Variants in CAMSAP2 observed in about 807,000 individuals in gnomAD.
CAMSAP2 encodes the protein calmodulin-regulated spectrin-associated protein 2.
CAMSAP2 carries 26 observed loss-of-function variants against 146.1 expected under a neutral mutation model. That is an observed-to-expected ratio of 0.18 (90% confidence interval 0.13 to 0.25). The LOEUF (loss-of-function observed/expected upper bound fraction) is 0.25. Among genes scored for constraint, CAMSAP2 ranks in the 10% least tolerant of loss-of-function variants. The pLI, the probability that CAMSAP2 is intolerant of heterozygous loss-of-function variation, is 1.00. For synonymous variants in CAMSAP2, 499 were observed against 596.6 expected, an observed-to-expected ratio of 0.84 and a Z score of 2.38; for missense variants, 1,381 against 1,759.3, an observed-to-expected ratio of 0.78 and a Z score of 3.85.
chr1:200,804,463 A>T (rs1000234573), intron 2 of CAMSAP2, among the ~76,000 whole-genome samples: 1 of 151,944 alleles, frequency 6.6e-6, no homozygotes, highest in African/African-American at 2.4e-5. Flanking sequence ...CAGCGTTTTT[A>T]TCCTCTCTCA....
chr1:200,773,089 A>T (rs950969446), intron 2 of CAMSAP2, among the ~76,000 whole-genome samples: 1 of 152,208 alleles, frequency 6.6e-6, no homozygotes, highest in African/African-American at 2.4e-5. Flanking sequence ...GAAGTTTTAT[A>T]TTCCTTTGTT....
intron 1 of CAMSAP2, among the ~76,000 whole-genome samples, chr1:200,760,348 A>T (rs1007034777): frequency 6.6e-6 from 1 of 152,226 alleles, no homozygotes; most frequent in African/African-American, 2.4e-5. Context: ...AGGCAAAGAG[A>T]TAGAATAAGT....
At chr1:200,796,823 C>G (rs1244207915) in intron 2 of CAMSAP2, among the ~76,000 whole-genome samples, 1 of 151,614 alleles carries the variant, frequency 6.6e-6, no homozygotes, top group East Asian at 1.9e-4. Context: ...CCTCCCCTCT[C>G]CCCCCACCCC....
intron 1 of CAMSAP2, among the ~76,000 whole-genome samples, chr1:200,741,517 G>A (rs1225566490): frequency 2.6e-5 from 4 of 152,298 alleles, no homozygotes; most frequent in Admixed American, 2.0e-4. Flanking sequence ...CATGGAAAGA[G>A]GGAAATTTAC....
intron 2 of CAMSAP2, among the ~76,000 whole-genome samples, chr1:200,784,041 T>TC (rs1239728780): frequency 4.6e-5 from 7 of 152,100 alleles, no homozygotes; most frequent in Admixed American, 4.6e-4. Flanking sequence ...TTTACCCTTT[T>TC]TTTTTAACAA....
At position 200,832,897 on chromosome 1, in the gene CAMSAP2, T is replaced by TA. The variant is rs1233044812; in HGVS notation, c.927+58dup. On this transcript the variant is annotated intron_variant, in intron 6 of 16. Transcript: ENST00000358823. The surrounding 1 kb of genome is among the most constrained non-coding windows in gnomAD (Gnocchi z 4.2). ...TTTGCTTTGTTAAAATATGTTTTTTTAAAAAACAAACAAAAACACCGGGAA... is the reference window on the plus strand; with the variant it reads ...TTTGCTTTGTTAAAATATGTTTTTTTAAAAAAACAAACAAAAACACCGGGAA... 10 of 1,487,640 alleles carry TA rather than the reference T, an allele frequency of 6.7e-6. No individual in the cohort carries two copies. Among genetic ancestry groups the TA allele is most frequent in the African/African-American group, 5.7e-5 (4 of 69,904 alleles). 92.2% of individuals were successfully genotyped at this position (1,487,640 alleles called of 1,614,324 possible).
intron 2 of CAMSAP2, among the ~76,000 whole-genome samples, chr1:200,801,635 C>T (rs543867679): frequency 3.0e-4 from 46 of 152,202 alleles, no homozygotes; most frequent in Middle Eastern, 3.4e-3. Flanking sequence ...TGTTCCTTTT[C>T]GTTGTTTTTT....
chr1:200,778,200 T>C (rs944464430), intron 2 of CAMSAP2, among the ~76,000 whole-genome samples: 4 of 152,216 alleles, frequency 2.6e-5, no homozygotes, highest in African/African-American at 9.7e-5. Context: ...TGTTGAATCA[T>C]TGAATAAATA....
intron 2 of CAMSAP2, among the ~76,000 whole-genome samples, chr1:200,799,307 T>C (rs1342421093): frequency 6.6e-6 from 1 of 152,244 alleles, no homozygotes; most frequent in South Asian, 2.1e-4. Flanking sequence ...CTGGGGTTTT[T>C]TTTTTGGTTG....
chr1:200,831,219 T>G (rs1667035343), intron 4 of CAMSAP2, among the ~76,000 whole-genome samples: 1 of 152,192 alleles, frequency 6.6e-6, no homozygotes. Context: ...TTATTTTACT[T>G]GGCTTTAGAA....
intron 7 of CAMSAP2, among the ~76,000 whole-genome samples, chr1:200,843,940 C>T (rs954708258): frequency 3.3e-5 from 5 of 151,876 alleles, no homozygotes; most frequent in Middle Eastern, 3.2e-3. Flanking sequence ...GGCACAATCT[C>T]GGCTCACTGC....
chr1:200,791,400 A>G (rs571180214), intron 2 of CAMSAP2, among the ~76,000 whole-genome samples: 6 of 152,018 alleles, frequency 3.9e-5, no homozygotes, highest in African/African-American at 1.2e-4. Context: ...CCTTGAGTTT[A>G]TAGTTTTCAT....
intron 2 of CAMSAP2, among the ~76,000 whole-genome samples, chr1:200,775,047 TA>T (rs1558171562): frequency 6.6e-6 from 1 of 152,122 alleles, no homozygotes; most frequent in Admixed American, 6.5e-5. Context: ...CAGGAAATGG[TA>T]AATGCTGTGA....
chr1:200,746,503 G>T (rs1224313500), intron 1 of CAMSAP2, among the ~76,000 whole-genome samples: 3 of 152,176 alleles, frequency 2.0e-5, no homozygotes, highest in East Asian at 1.9e-4. Context: ...ATATAAAATG[G>T]TGGTGTGTGC....
In CAMSAP2 at chr1:200,739,887, G is replaced by A; in HGVS notation, c.60G>A (p.Lys20=). Residue 20 remains lysine, a synonymous_variant, in exon 1 of 17, where the codon AAG becomes AAA. Transcript: ENST00000358823. The surrounding 1 kb of genome is among the most constrained non-coding windows in gnomAD (Gnocchi z 4.8). ...MRKTFIVPAI[K]PFDHYDFSRA... ...AGACGTTCATTGTTCCAGCCATCAA[G>A]CCTTTTGACCACTATGATTTCTCCA... 1.2e-6 allele frequency: 2 copies of A among 1,614,200 alleles called. No homozygotes were observed. The highest frequency in any genetic ancestry group is 1.1e-5 in the South Asian group (1 of 91,082).
rs1299314401 is a variant in CAMSAP2, at chr1:200,783,517, C to G, written c.399+22419C>G. ...TCTTCTTTTGAGACAAGGCCTTGCTCTGTTGTCCAGGCTGGAGTGCAGTGG... is the reference window on the plus strand; with the variant it reads ...TCTTCTTTTGAGACAAGGCCTTGCTGTGTTGTCCAGGCTGGAGTGCAGTGG... On this transcript the variant is annotated intron_variant, in intron 2 of 16. Coordinates refer to ENST00000358823, the MANE Select transcript of CAMSAP2 (RefSeq NM_203459.4). Among the ~76,000 whole-genome samples, 2 of 152,132 alleles carry G rather than the reference C, an allele frequency of 1.3e-5. 1 individual carries two copies. The highest frequency in any genetic ancestry group is 4.1e-4 in the South Asian group (2 of 4,828).
intron 2 of CAMSAP2, among the ~76,000 whole-genome samples, chr1:200,768,942 T>C (rs1445524885): frequency 1.3e-5 from 2 of 152,166 alleles, no homozygotes; most frequent in Non-Finnish European, 2.9e-5. Context: ...CATGAGCCAC[T>C]GTGCCTGGCT....
rs1667809484 is a variant in CAMSAP2 at position 200,858,712 on chromosome 1, TAAG to T, written c.*655_*657del. 6.6e-6 allele frequency: 1 copy of T among 152,666 alleles called. No homozygotes were observed. The highest frequency in any genetic ancestry group is 2.4e-5 in the African/African-American group (1 of 41,448). The allele number at this position is 152,666 out of a possible 1,614,324, so 9.5% of individuals were successfully genotyped here. A position where few individuals can be genotyped will look rare whatever the true frequency, so the allele number is the denominator to read the frequency against. Reference sequence around the variant, plus strand: ...TCAAGTATTAACATTCTCTATTAAATAAGAGGAGGTGTTGTAAAGAGCTGCTAG... The same window carrying T: ...TCAAGTATTAACATTCTCTATTAAATAGGAGGTGTTGTAAAGAGCTGCTAG... On this transcript the variant is annotated 3_prime_UTR_variant, in exon 17 of 17. Transcript: ENST00000358823.
intron 6 of CAMSAP2, among the ~76,000 whole-genome samples, chr1:200,840,560 A>G (rs1029106238): frequency 6.6e-6 from 1 of 152,124 alleles, no homozygotes; most frequent in African/African-American, 2.4e-5. Flanking sequence ...CACTGCGCCC[A>G]GCCTCTTTTC....
Sources: gnomAD v4.1 joint callset for allele counts (sites outside exome capture counted in the v4.1 genomes callset) on GRCh38, gnomAD v4.1.1 for gene constraint, Gnocchi (gnomAD v3.1) non-coding constraint, MANE v1.5 for transcripts, NCBI Gene and HGNC (gene_info 2026-07-23, HGNC 2026-07-21) for gene names.